The following GGT5 variants were observed in gnomAD, a reference collection of about 807,000 sequenced individuals.
GGT5 encodes the protein gamma-glutamyltransferase 5.
A neutral mutation model predicts 58.1 loss-of-function variants in GGT5; 50 were observed. That is an observed-to-expected ratio of 0.86 (90% confidence interval 0.69 to 1.09). GGT5 has a LOEUF of 1.09. Among genes scored for constraint, GGT5 ranks in the 50% least tolerant of loss-of-function variants. GGT5 has a pLI of 0.00. For missense variants in GGT5, 800 were observed against 789.4 expected, an observed-to-expected ratio of 1.01 and a Z score of -0.16; for synonymous variants, 370 against 346.1, an observed-to-expected ratio of 1.07 and a Z score of -0.77.
At chr22:24,220,384 T>A (rs535325726) in intron 11 of GGT5, 5 of 592,514 alleles carry the variant, frequency 8.4e-6, no homozygotes, top group Non-Finnish European at 1.6e-5. Flanking sequence ...CTGTTCTGGA[T>A]CCAAGGACAC....
At chr22:24,234,153 G>T (rs1489194863) in intron 1 of GGT5, 149 bp from the exon 2 acceptor site, 2 of 709,120 alleles carry the variant, frequency 2.8e-6, no homozygotes, top group African/African-American at 1.8e-5. Flanking sequence ...ACACAACCAG[G>T]CTTCCCCATC....
intron 11 of GGT5, 71 bp downstream of exon 11, chr22:24,224,925 G>T: frequency 2.1e-6 from 2 of 964,770 alleles, no homozygotes; most frequent in Non-Finnish European, 3.2e-6. Flanking sequence ...GTTCCTCCCA[G>T]GTGGCTTTGA....
rs1303792899 is a variant in GGT5 at position 24,240,667 on chromosome 22, C to A, written c.173+3886G>T. On this transcript the variant is annotated intron_variant, in intron 1 of 11. Transcript: ENST00000327365. ...TTAGAATTATATTAGCCACACCCAG[C>A]TAATTTTTGTACTTTTTGTCTCACC... is the stretch of plus-strand genomic sequence containing the variant. 3.9e-5 allele frequency among the ~76,000 whole-genome samples: 6 copies of A among 152,150 alleles called. No homozygotes were observed. The East Asian group carries it at 1.2e-3, about 29-fold the overall frequency.
Position 24,225,368 on chromosome 22 carries a change from G to A in GGT5, c.1380C>T (p.Pro460=), listed in dbSNP as rs2047720837. ...ATGGGGAACGCTCGCCTGGAACTGG[G>A]GGCCAGCACCTTCCGGGAGCTCCAC... The part of the protein sequence containing the change: ...RVGGAPGRCW[P]PVPGERSPSS... The change falls in exon 10 of 12, where the codon CCC becomes CCT. Residue 460 remains proline, a synonymous_variant. Transcript: ENST00000327365. 6.2e-6 allele frequency: 10 copies of A among 1,611,668 alleles called. No homozygotes were observed. The highest frequency in any genetic ancestry group is 8.5e-6 in the Non-Finnish European group (10 of 1,178,716).
rs546489008 is a variant in GGT5, at chr22:24,223,833, G to C, written c.1614+1163C>G. On this transcript the variant is annotated intron_variant, in intron 11 of 11. Coordinates refer to ENST00000327365, the MANE Select transcript of GGT5 (RefSeq NM_004121.5). ...GCTGGAGTGCAATGTCACGATCTTGGCTCACTGCAACCTCTACCTCCTGGG... is the reference window on the plus strand; with the variant it reads ...GCTGGAGTGCAATGTCACGATCTTGCCTCACTGCAACCTCTACCTCCTGGG... Among the ~76,000 whole-genome samples the C allele has an allele frequency of 5.5e-4, 81 of 146,454 alleles. 1 individual carries two copies. The highest frequency in any genetic ancestry group is 5.4e-3 in the South Asian group (25 of 4,652).
intron 3 of GGT5, among the ~76,000 whole-genome samples, chr22:24,233,234 C>A (rs1286624246): frequency 1.4e-4 from 22 of 152,236 alleles, no homozygotes; most frequent in Admixed American, 1.4e-3. Flanking sequence ...AGGAGCCCCA[C>A]CCTGCCCCGC....
chr22:24,222,878 C>T (rs369542959), intron 11 of GGT5, among the ~76,000 whole-genome samples: 18 of 150,076 alleles, frequency 1.2e-4, no homozygotes, highest in African/African-American at 2.0e-4. Context: ...GAGATCGAGA[C>T]CATCCTGGCT....
At chr22:24,233,080 C>G (rs2047997199) in intron 3 of GGT5, 62 bp from the exon 4 acceptor site, 17 of 1,263,832 alleles carry the variant, frequency 1.3e-5, no homozygotes, top group Non-Finnish European at 1.7e-5. Context: ...TTTGCCATCA[C>G]CCCTACATGT....
At chr22:24,230,096 G>A (rs1250941851) in intron 6 of GGT5, among the ~76,000 whole-genome samples, 3 of 152,016 alleles carry the variant, frequency 2.0e-5, no homozygotes, top group Non-Finnish European at 2.9e-5. Flanking sequence ...ATCTGGGCGC[G>A]GTGGCTCATG....
At chr22:24,223,046 T>C (rs2047647307) in intron 11 of GGT5, among the ~76,000 whole-genome samples, 2 of 150,470 alleles carry the variant, frequency 1.3e-5, no homozygotes, top group African/African-American at 2.5e-5. Flanking sequence ...GCCAAGATCG[T>C]GCCACTGCAC....
At chr22:24,232,643 C>A (rs1454783081) in intron 4 of GGT5, among the ~76,000 whole-genome samples, 180 bp downstream of exon 4, 1 of 152,134 alleles carries the variant, frequency 6.6e-6, no homozygotes, top group South Asian at 2.1e-4. Context: ...AGCCTAACCC[C>A]AAGTTAGGCT....
At chr22:24,236,762 C>CAAA (rs35357003) in intron 1 of GGT5, among the ~76,000 whole-genome samples, 1,545 of 133,630 alleles carry the variant, frequency 0.012, 38 homozygotes, top group African/African-American at 0.031. Flanking sequence ...GACTCCATCT[C>CAAA]AAAAAAAAAA....
At chr22:24,220,307 C>T (rs1055849854) in intron 11 of GGT5, among the ~76,000 whole-genome samples, 191 bp from the exon 12 acceptor site, 11 of 152,220 alleles carry the variant, frequency 7.2e-5, no homozygotes, top group African/African-American at 2.7e-4. Context: ...AGGACAAGCT[C>T]AGCCTCCAGG....
chr22:24,233,711 G>A (rs2048018433), intron 2 of GGT5, 118 bp from the exon 3 acceptor site: 9 of 868,444 alleles, frequency 1.0e-5, no homozygotes, highest in Non-Finnish European at 1.6e-5. Context: ...CACAGGGACA[G>A]GAGTTGACAC....
chr22:24,234,959 G>C (rs915432371), intron 1 of GGT5, among the ~76,000 whole-genome samples: 1 of 151,092 alleles, frequency 6.6e-6, no homozygotes, highest in Admixed American at 6.6e-5. Context: ...GATGATCCCT[G>C]TCCCTGGGGC....
At chr22:24,222,825 C>G (rs190406143) in intron 11 of GGT5, among the ~76,000 whole-genome samples, 148 of 152,296 alleles carry the variant, frequency 9.7e-4, no homozygotes, top group African/African-American at 3.4e-3. Flanking sequence ...CGCCTATAAT[C>G]CCAGCACTTT....
chr22:24,233,515 G>A lies in GGT5; in HGVS notation c.383C>T (p.Ala128Val). ...GGCGTCACCTGTGCCCAGTGGCAGAGCCTGTGCACACTGGTCCAGCAGGCT... is the reference window on the plus strand; with the variant it reads ...GGCGTCACCTGTGCCCAGTGGCAGAACCTGTGCACACTGGTCCAGCAGGCT... The part of the protein sequence containing the change: ...APSLLDQCAQ[A>V]LPLGTGAQWI... Residue 128 changes from alanine to valine, a missense_variant, in exon 3 of 12, where the codon GCT becomes GTT. Transcript: ENST00000327365. The A allele has an allele frequency of 1.9e-6, 3 of 1,603,268 alleles. No homozygotes were observed. The highest frequency in any genetic ancestry group is 2.6e-6 in the Non-Finnish European group (3 of 1,174,486).
In GGT5 at chr22:24,226,281, CA is replaced by C. The variant is rs2047763492; in HGVS notation, c.1039-16del. 6.3e-7 allele frequency: 1 copy of C among 1,578,184 alleles called. No individual in the cohort carries two copies. The highest frequency in any genetic ancestry group is 1.3e-5 in the African/African-American group (1 of 74,428). ...CGGGAGGCATTCTGGGGTGGGTGGG[CA>C]GGTGGCAGGGTCAGTGAGGGGCCAG... On this transcript the variant is annotated splice_polypyrimidine_tract_variant and intron_variant, in intron 7 of 11. Coordinates refer to ENST00000327365, the MANE Select transcript of GGT5 (RefSeq NM_004121.5).
Position 24,238,833 on chromosome 22 carries a change from T to TTA in GGT5, c.174-4831_174-4830dup, listed in dbSNP as rs1170487475. Among the ~76,000 whole-genome samples, 17 of 9,404 alleles carry TTA rather than the reference T, an allele frequency of 1.8e-3. 1 individual carries two copies. The highest frequency in any genetic ancestry group is 3.8e-3 in the East Asian group (1 of 260). 6.2% of individuals were successfully genotyped at this position (9,404 alleles called of 152,430 possible). ...ATATATTATATATATATATATATATTTATATATATATATTATATATATTAT... is the reference window on the plus strand; with the variant it reads ...ATATATTATATATATATATATATATTTATATATATATATATTATATATATTAT... On this transcript the variant is annotated intron_variant, in intron 1 of 11. Transcript: ENST00000327365.
Sources: gnomAD v4.1 joint callset for allele counts (sites outside exome capture counted in the v4.1 genomes callset) on GRCh38, gnomAD v4.1.1 for gene constraint, MANE v1.5 for transcripts, NCBI Gene and HGNC (gene_info 2026-07-23, HGNC 2026-07-21) for gene names.